MAP3K13: variants seen among roughly 807,000 people sequenced by gnomAD.
MAP3K13 encodes leucine zipper-bearing kinase.
MAP3K13 carries 52 observed loss-of-function variants against 104.0 expected under a neutral mutation model. The observed-to-expected ratio is 0.50, with a 90% CI of 0.40 to 0.63. The LOEUF (loss-of-function observed/expected upper bound fraction) is 0.63. Among genes scored for constraint, MAP3K13 ranks in the 20% least tolerant of loss-of-function variants. MAP3K13 has a pLI of 0.00. For missense variants in MAP3K13, 914 were observed against 1,218.5 expected (o/e 0.75, Z 3.72); for synonymous variants, 394 against 442.2 (o/e 0.89, Z 1.37).
rs1484086306 is a variant in MAP3K13 at position 185,456,086 on chromosome 3, A to C, written c.1278+4691A>C. 2.0e-5 allele frequency among the ~76,000 whole-genome samples: 3 copies of C among 150,870 alleles called. No individual in the cohort carries two copies. The Admixed American group carries it at 2.0e-4, about 10-fold the overall frequency. ...AGTACTTCTGTGGTGTCTGATACAC[A>C]GAGAGACACTCTGCCTGTCACACAG... is the stretch of plus-strand genomic sequence containing the variant. On this transcript the variant is annotated intron_variant, in intron 7 of 13. Coordinates refer to ENST00000265026, the MANE Select transcript of MAP3K13 (RefSeq NM_004721.5).
intron 2 of MAP3K13, chr3:185,292,143 A>G (rs898349853): frequency 4.0e-6 from 1 of 250,680 alleles, no homozygotes; most frequent in Non-Finnish European, 6.3e-6. Context: ...CATCTCTACT[A>G]AAAATACAAA....
intron 7 of MAP3K13, among the ~76,000 whole-genome samples, chr3:185,463,079 A>G (rs886482689): frequency 3.3e-5 from 5 of 151,952 alleles, no homozygotes; most frequent in African/African-American, 4.8e-5. Flanking sequence ...AGGGTCTTCT[A>G]CTCTAGGTAT....
At chr3:185,478,867 G>C (rs1281196929) in intron 12 of MAP3K13, among the ~76,000 whole-genome samples, 7 of 146,310 alleles carry the variant, frequency 4.8e-5, no homozygotes, top group Non-Finnish European at 9.0e-5. Context: ...GTGAGACTCT[G>C]TCTCAAAAAA....
intron 1 of MAP3K13, among the ~76,000 whole-genome samples, chr3:185,375,854 C>G (rs997353059): frequency 3.3e-5 from 5 of 152,168 alleles, no homozygotes; most frequent in Admixed American, 6.5e-5. Context: ...TCTTTCTGCC[C>G]ATATAACAGC....
chr3:185,345,151 T>G (rs902406631), intron 2 of MAP3K13, among the ~76,000 whole-genome samples: 1 of 152,168 alleles, frequency 6.6e-6, no homozygotes, highest in Non-Finnish European at 1.5e-5. Flanking sequence ...CATGAGCCAC[T>G]GCACCCGGCC....
intron 2 of MAP3K13, among the ~76,000 whole-genome samples, chr3:185,302,259 A>T (rs1452491574): frequency 6.6e-6 from 1 of 151,996 alleles, no homozygotes; most frequent in Non-Finnish European, 1.5e-5. Context: ...AAAAAAAAAA[A>T]AAAATTAGCT....
chr3:185,339,255 G>A (rs1269660917), intron 2 of MAP3K13, among the ~76,000 whole-genome samples: 1 of 152,160 alleles, frequency 6.6e-6, no homozygotes, highest in Non-Finnish European at 1.5e-5. Flanking sequence ...GGAGGCGGAG[G>A]TTGCAGTGAG....
chr3:185,311,282 G>T (rs1211725396), intron 2 of MAP3K13, among the ~76,000 whole-genome samples: 7 of 152,134 alleles, frequency 4.6e-5, no homozygotes, highest in Non-Finnish European at 1.0e-4. Context: ...ATCATGGCGG[G>T]AGGCAAAAGG....
chr3:185,400,214 C>T (rs988316782), intron 1 of MAP3K13, among the ~76,000 whole-genome samples: 6 of 152,214 alleles, frequency 3.9e-5, no homozygotes, highest in African/African-American at 1.4e-4. Context: ...TTGTGCGTCT[C>T]CCCAAACAAC....
rs1577533294 is a variant in MAP3K13, at chr3:185,418,224, G to A, written c.-85-10273G>A. ...CTTTGCCAGCTCTCATTCGCTGAGAGGCATAGACCTTTTCGATATCATTCC... is the reference window on the plus strand; with the variant it reads ...CTTTGCCAGCTCTCATTCGCTGAGAAGCATAGACCTTTTCGATATCATTCC... On this transcript the variant is annotated intron_variant, in intron 1 of 13. Coordinates refer to ENST00000265026, the MANE Select transcript of MAP3K13 (RefSeq NM_004721.5). The surrounding 1 kb of genome is among the most constrained non-coding windows in gnomAD (Gnocchi z 4.5). 1 of 1,610,390 alleles carries A rather than the reference G, an allele frequency of 6.2e-7. No homozygotes were observed. Among genetic ancestry groups the A allele is most frequent in the Non-Finnish European group, 8.5e-7 (1 of 1,177,962 alleles).
At chr3:185,413,307 G>C (rs997473589) in intron 1 of MAP3K13, among the ~76,000 whole-genome samples, 1 of 152,152 alleles carries the variant, frequency 6.6e-6, no homozygotes, top group African/African-American at 2.4e-5. Flanking sequence ...AAAGCGCATA[G>C]AGCAGCACTG....
chr3:185,417,441 A>C (rs200110112), intron 1 of MAP3K13: 1 of 1,481,848 alleles, frequency 6.7e-7, no homozygotes. Flanking sequence ...GTCTTTATTC[A>C]AAAGAAGCTG....
rs3796199 is a variant in MAP3K13, at chr3:185,418,481, G to A, written c.-85-10016G>A. On this transcript the variant is annotated intron_variant, in intron 1 of 13. Coordinates refer to ENST00000265026, the MANE Select transcript of MAP3K13 (RefSeq NM_004721.5). This position sits in a 1 kb window ranked among gnomAD's most constrained non-coding sequence, Gnocchi z 4.5. ...CAGGTTTTGGTTGGTGCAAACCTTCGGCCTCCACGACACATGTTTCCAAAA... is the reference window on the plus strand; with the variant it reads ...CAGGTTTTGGTTGGTGCAAACCTTCAGCCTCCACGACACATGTTTCCAAAA... The A allele has an allele frequency of 0.039, 63,396 of 1,611,434 alleles. 2,415 individuals are homozygous for A. The highest frequency in any genetic ancestry group is 0.21 in the East Asian group (9,635 of 44,848).
intron 2 of MAP3K13, among the ~76,000 whole-genome samples, chr3:185,351,342 C>G (rs1476386814): frequency 6.6e-6 from 1 of 152,138 alleles, no homozygotes; most frequent in Non-Finnish European, 1.5e-5. Flanking sequence ...ATGCCTGAAA[C>G]TAGAATAAAA....
chr3:185,465,215 A>T (rs545255460), intron 8 of MAP3K13, among the ~76,000 whole-genome samples: 1 of 152,248 alleles, frequency 6.6e-6, no homozygotes, highest in Admixed American at 6.5e-5. Flanking sequence ...TGACCTCGTG[A>T]TCCACCTGCC....
chr3:185,285,380 G>T (rs1198199575), intron 1 of MAP3K13: 1 of 391,998 alleles, frequency 2.6e-6, no homozygotes, highest in Non-Finnish European at 4.7e-6. Context: ...CTCCTGTTCA[G>T]TGTCAATCTG....
At chr3:185,344,881 T>G (rs910244271) in intron 2 of MAP3K13, among the ~76,000 whole-genome samples, 2 of 139,652 alleles carry the variant, frequency 1.4e-5, no homozygotes, top group Non-Finnish European at 3.0e-5. Flanking sequence ...ACTAATCTCA[T>G]AATTTATTTT....
At chr3:185,374,150 T>A (rs1475960666) in intron 1 of MAP3K13, among the ~76,000 whole-genome samples, 9 of 149,568 alleles carry the variant, frequency 6.0e-5, no homozygotes, top group Admixed American at 2.7e-4. Flanking sequence ...CTCCTTTTTG[T>A]GGATCTTCAG....
intron 7 of MAP3K13, among the ~76,000 whole-genome samples, chr3:185,454,702 TATATCATATATGA>T (rs1716242716): frequency 3.8e-5 from 1 of 26,468 alleles, no homozygotes; most frequent in African/African-American, 6.7e-5. Context: ...ATGAGATATA[TATATCATATATGA>T]GATATATATG....
Sources: allele counts gnomAD v4.1 joint callset (sites outside exome capture counted in the v4.1 genomes callset), GRCh38; gene constraint gnomAD v4.1.1; non-coding constraint Gnocchi (gnomAD v3.1); transcripts MANE v1.5; gene names NCBI Gene and HGNC (gene_info 2026-07-23, HGNC 2026-07-21).